Variants in RAB38 observed in about 807,000 individuals in gnomAD.
The protein encoded by RAB38 is ras-related protein Rab-38.
RAB38 carries 15 observed loss-of-function variants against 18.4 expected under a neutral mutation model. The observed-to-expected ratio is 0.82, with a 90% CI of 0.55 to 1.26. The LOEUF is 1.26. Ranked by LOEUF, RAB38 falls within the 50% of genes most tolerant of loss-of-function variation. The pLI, the probability that RAB38 is intolerant of heterozygous loss-of-function variation, is 0.00. For missense variants in RAB38, 294 were observed against 267.4 expected, an observed-to-expected ratio of 1.10 and a Z score of -0.69; for synonymous variants, 101 against 104.4, an observed-to-expected ratio of 0.97 and a Z score of 0.20.
At chr11:87,856,846 T>G in the RAB38 span, among the ~76,000 whole-genome samples, 1 of 152,120 alleles carries the variant, frequency 6.6e-6, no homozygotes, top group African/African-American at 2.4e-5. Flanking sequence ...TTGAGGCAGG[T>G]GACTTCTTTA....
At chr11:88,005,461 T>C in the RAB38 span, among the ~76,000 whole-genome samples, 1 of 151,590 alleles carries the variant, frequency 6.6e-6, no homozygotes, top group South Asian at 2.1e-4. Flanking sequence ...GCTTCACTCC[T>C]ACGTCAAACT....
At chr11:87,909,452 T>C in the RAB38 span, among the ~76,000 whole-genome samples, 110,086 of 151,918 alleles carry the variant, frequency 0.72, 42,519 homozygotes, top group East Asian at 0.89. Context: ...TCTCTCTCTC[T>C]CTGTCTCTCT....
chr11:88,076,953 C>A, the RAB38 span, among the ~76,000 whole-genome samples: 1 of 20,718 alleles, frequency 4.8e-5, no homozygotes, highest in Non-Finnish European at 8.0e-5. Flanking sequence ...AGAGAGACTC[C>A]ATCAAAAAAA....
chr11:87,965,874 T>A, the RAB38 span, among the ~76,000 whole-genome samples: 2 of 152,152 alleles, frequency 1.3e-5, no homozygotes, highest in African/African-American at 4.8e-5. Flanking sequence ...TAAGGCAGCT[T>A]TGACCTCAAG....
At chr11:88,166,125 G>T (rs1943240619) in intron 1 of RAB38, 1 of 152,158 alleles carries the variant, frequency 6.6e-6, no homozygotes, top group Non-Finnish European at 1.5e-5. Flanking sequence ...AGGAGCAAAG[G>T]CTCAGAGGCA....
chr11:87,911,259 T>C, the RAB38 span, among the ~76,000 whole-genome samples: 2 of 152,078 alleles, frequency 1.3e-5, no homozygotes, highest in Non-Finnish European at 2.9e-5. Context: ...TTGACTCTTC[T>C]AGGCCCTTTG....
chr11:88,124,499 T>C (rs7936021), intron 2 of RAB38, among the ~76,000 whole-genome samples: 3,766 of 152,276 alleles, frequency 0.025, 147 homozygotes, highest in African/African-American at 0.086. Context: ...AAGACATTTA[T>C]GCAGCCAAAA....
At chr11:88,097,905 T>C in the RAB38 span, 3 of 151,982 alleles carry the variant, frequency 2.0e-5, no homozygotes, top group Non-Finnish European at 4.4e-5. Flanking sequence ...TACAAATACA[T>C]ATTTACCAAT....
At chr11:87,876,757 A>C in the RAB38 span, among the ~76,000 whole-genome samples, 1 of 151,724 alleles carries the variant, frequency 6.6e-6, no homozygotes, top group South Asian at 2.1e-4. Flanking sequence ...TACTCTTCAA[A>C]CAAGACTTTG....
chr11:87,928,890 G>A, the RAB38 span, among the ~76,000 whole-genome samples: 4,515 of 152,092 alleles, frequency 0.03, 164 homozygotes, highest in East Asian at 0.19. Flanking sequence ...CAACGCAGGC[G>A]GATCATTTGA....
chr11:88,137,818 AT>A (rs1232632239), intron 2 of RAB38, among the ~76,000 whole-genome samples: 1 of 152,248 alleles, frequency 6.6e-6, no homozygotes, highest in Admixed American at 6.5e-5. Context: ...AAAACAGCTT[AT>A]GCACAAAGCT....
At chr11:87,976,536 C>T in the RAB38 span, among the ~76,000 whole-genome samples, 46 of 117,184 alleles carry the variant, frequency 3.9e-4, no homozygotes, top group African/African-American at 1.3e-3. Context: ...ATATTTTTTA[C>T]ATTTATATTT....
intron 2 of RAB38, 112 bp from the exon 3 acceptor site, chr11:88,114,252 T>G (rs1942517823): frequency 3.6e-6 from 4 of 1,105,632 alleles, no homozygotes; most frequent in Non-Finnish European, 5.2e-6. Flanking sequence ...ATGCTACATA[T>G]GCATCCCCCT....
intron 2 of RAB38, among the ~76,000 whole-genome samples, chr11:88,133,558 C>T (rs972674452): frequency 6.6e-6 from 1 of 152,182 alleles, no homozygotes; most frequent in South Asian, 2.1e-4. Flanking sequence ...CTGACCCATG[C>T]TAGACCTCCC....
the RAB38 span, among the ~76,000 whole-genome samples, chr11:87,932,923 T>C: frequency 2.0e-5 from 3 of 152,140 alleles, no homozygotes; most frequent in Non-Finnish European, 4.4e-5. Context: ...TTTCTTAATT[T>C]AGAGTCAAGT....
the RAB38 span, among the ~76,000 whole-genome samples, chr11:88,103,385 A>T: frequency 6.6e-6 from 1 of 152,036 alleles, no homozygotes; most frequent in East Asian, 1.9e-4. Context: ...GGTCAGCACA[A>T]TGTGGGCAAA....
chr11:87,955,362 G>T, the RAB38 span, among the ~76,000 whole-genome samples: 1 of 152,170 alleles, frequency 6.6e-6, no homozygotes, highest in East Asian at 1.9e-4. Context: ...ACTGGAGGCT[G>T]CTGGAAGCGG....
the RAB38 span, among the ~76,000 whole-genome samples, chr11:88,093,888 C>T: frequency 2.0e-5 from 3 of 151,896 alleles, no homozygotes; most frequent in Admixed American, 1.3e-4. Context: ...AGATGTCCTA[C>T]CCACTTTTTC....
chr11:88,044,910 C>T, the RAB38 span, among the ~76,000 whole-genome samples: 3 of 152,166 alleles, frequency 2.0e-5, no homozygotes, highest in Non-Finnish European at 4.4e-5. Flanking sequence ...CACCTCCCCT[C>T]CTCACACCCG....
Sources: allele counts gnomAD v4.1 joint callset (sites outside exome capture counted in the v4.1 genomes callset), GRCh38; gene constraint gnomAD v4.1.1; transcripts MANE v1.5; gene names NCBI Gene and HGNC (gene_info 2026-07-23, HGNC 2026-07-21).